Variants in CRIPT observed in about 807,000 individuals in gnomAD.
The protein encoded by CRIPT is cysteine-rich PDZ-binding protein.
Under a neutral mutation model 16.6 loss-of-function variants are expected in CRIPT, and 20 were observed. That is an observed-to-expected ratio of 1.20 (90% CI 0.85 to 1.75). The LOEUF (loss-of-function observed/expected upper bound fraction) is 1.75. Ranked by LOEUF, CRIPT falls within the 40% of genes most tolerant of loss-of-function variation. The pLI, the probability that CRIPT is intolerant of heterozygous loss-of-function variation, is 0.00. For missense variants in CRIPT, 133 were observed against 115.3 expected, an observed-to-expected ratio of 1.15 and a Z score of -0.70; for synonymous variants, 42 against 37.0, an observed-to-expected ratio of 1.14 and a Z score of -0.49.
chr2:46,618,929 T>G (rs1670737601), intron 2 of CRIPT, 91 bp downstream of exon 2: 2 of 810,976 alleles, frequency 2.5e-6, no homozygotes, highest in African/African-American at 3.5e-5. Flanking sequence ...TGAAATGTTA[T>G]GTGTTCAAAG....
rs1218573545 is a variant in CRIPT at position 46,627,082 on chromosome 2, C to T, written c.*2855C>T. Among the ~76,000 whole-genome samples the T allele has an allele frequency of 6.6e-6, 1 of 152,238 alleles. No homozygotes were observed. The highest frequency in any genetic ancestry group is 1.5e-5 in the Non-Finnish European group (1 of 68,044). On this transcript the variant is annotated 3_prime_UTR_variant, in exon 5 of 5. Transcript: ENST00000238892. ...TCCTGACCTCAGGTGATCCACCCAT[C>T]TCAGCCTCCCAAAGTGCTGGGATTA... is the stretch of plus-strand genomic sequence containing the variant.
Position 46,629,971 on chromosome 2 carries a change from C to CA in CRIPT, c.*5745dup, listed in dbSNP as rs1671031241. Among the ~76,000 whole-genome samples the CA allele has an allele frequency of 6.6e-5, 10 of 152,098 alleles. No homozygotes were observed. The highest frequency in any genetic ancestry group is 1.3e-4 in the Non-Finnish European group (9 of 68,024). ...TATTATTATTTCTGTATTAATTAGT[C>CA]ATCATTCTACTGTAAGGAAGAGGTT... On this transcript the variant is annotated 3_prime_UTR_variant, in exon 5 of 5. Transcript: ENST00000238892.
In CRIPT at chr2:46,625,974, G is replaced by C. The variant is rs372853600; in HGVS notation, c.*1747G>C. The stretch of plus-strand genomic sequence containing the variant: ...TTTCAACTTTTATTTTAGATGTAGG[G>C]GTACATGTGCAGGTGAGTTATATGG... On this transcript the variant is annotated 3_prime_UTR_variant, in exon 5 of 5. Transcript: ENST00000238892. Among the ~76,000 whole-genome samples, 1 of 152,012 alleles carries C rather than the reference G, an allele frequency of 6.6e-6. No homozygotes were observed. The highest frequency in any genetic ancestry group is 1.9e-4 in the East Asian group (1 of 5,182).
rs1670869589 is a variant in CRIPT, at chr2:46,623,824, C to T, written c.198C>T (p.His66=). ...GTAGAATTTGTAAAAGTTCTGTGCA[C>T]CAACCAGGTTCTCATTACTGCCAGG... is the stretch of plus-strand genomic sequence containing the variant. The part of the protein sequence containing the change: ...STCRICKSSV[H]QPGSHYCQGC... Residue 66 remains histidine, a synonymous_variant, in exon 4 of 5, where the codon CAC becomes CAT. Coordinates refer to ENST00000238892, the MANE Select transcript of CRIPT (RefSeq NM_014171.6). 7.4e-6 allele frequency: 12 copies of T among 1,610,826 alleles called. No individual in the cohort carries two copies. The highest frequency in any genetic ancestry group is 1.0e-5 in the Non-Finnish European group (12 of 1,178,184).
chr2:46,617,862 G>C (rs1219818269), intron 1 of CRIPT, among the ~76,000 whole-genome samples: 1 of 151,848 alleles, frequency 6.6e-6, no homozygotes, highest in African/African-American at 2.4e-5. Flanking sequence ...TTCTATATTT[G>C]GAACCTGGCG....
chr2:46,618,611 CACAGTTAAT>C (rs1226780588), intron 1 of CRIPT, among the ~76,000 whole-genome samples, 153 bp from the exon 2 acceptor site: 3 of 152,154 alleles, frequency 2.0e-5, no homozygotes, highest in Non-Finnish European at 4.4e-5. Context: ...ATTCATTGGC[CACAGTTAAT>C]ATGAGTCTCA....
chr2:46,623,832 G>T lies in CRIPT; in HGVS notation c.206G>T (p.Gly69Val). Reference protein sequence around the residue: ...RICKSSVHQPGSHYCQGCAYK... With the variant: ...RICKSSVHQPVSHYCQGCAYK... ...TGTAAAAGTTCTGTGCACCAACCAG[G>T]TTCTCATTACTGCCAGGGCTGTGCC... The change falls in exon 4 of 5, where the codon GGT becomes GTT. Residue 69 changes from glycine to valine, a missense_variant. Physicochemically the swap from Gly to Val is moderately radical, Grantham distance 109. Coordinates refer to ENST00000238892, the MANE Select transcript of CRIPT (RefSeq NM_014171.6). 6.2e-7 allele frequency: 1 copy of T among 1,609,970 alleles called. No homozygotes were observed. The highest frequency in any genetic ancestry group is 8.5e-7 in the Non-Finnish European group (1 of 1,177,728).
At chr2:46,623,912 A>C (rs755830661) in intron 4 of CRIPT, 45 bp downstream of exon 4, 37 of 1,330,314 alleles carry the variant, frequency 2.8e-5, no homozygotes, top group Non-Finnish European at 1.1e-6. Context: ...AACCGACTTC[A>C]TTTGCTGCTA....
Position 46,618,936 on chromosome 2 carries a change from A to G in CRIPT, c.82+98A>G. The G allele has an allele frequency of 4.0e-6, 3 of 751,320 alleles. No individual in the cohort carries two copies. The Admixed American group carries it at 7.9e-5, about 20-fold the overall frequency. 46.5% of individuals were successfully genotyped at this position (751,320 alleles called of 1,614,324 possible). On this transcript the variant is annotated intron_variant, in intron 2 of 4. Coordinates refer to ENST00000238892, the MANE Select transcript of CRIPT (RefSeq NM_014171.6). Reference sequence around the variant, plus strand: ...TTGTACAATGAAATGTTATGTGTTCAAAGTATTTTATCTATTAAACATTAA... The same window carrying G: ...TTGTACAATGAAATGTTATGTGTTCGAAGTATTTTATCTATTAAACATTAA...
At position 46,628,861 on chromosome 2, in the gene CRIPT, A is replaced by G. The variant is rs1304165834; in HGVS notation, c.*4634A>G. On this transcript the variant is annotated 3_prime_UTR_variant, in exon 5 of 5. Coordinates refer to ENST00000238892, the MANE Select transcript of CRIPT (RefSeq NM_014171.6). ...CACTATAACCAAATAAGATGACAGAATTAAGGCCTTATGCCACAGCCAGAG... is the reference window on the plus strand; with the variant it reads ...CACTATAACCAAATAAGATGACAGAGTTAAGGCCTTATGCCACAGCCAGAG... 2.0e-5 allele frequency among the ~76,000 whole-genome samples: 3 copies of G among 152,236 alleles called. No homozygotes were observed. The highest frequency in any genetic ancestry group is 2.9e-5 in the Non-Finnish European group (2 of 68,036).
At chr2:46,618,928 A>G (rs1254155087) in intron 2 of CRIPT, 90 bp downstream of exon 2, 1 of 809,652 alleles carries the variant, frequency 1.2e-6, no homozygotes. Context: ...ATGAAATGTT[A>G]TGTGTTCAAA....
intron 2 of CRIPT, among the ~76,000 whole-genome samples, chr2:46,619,253 A>G (rs186495261): frequency 2.6e-4 from 40 of 152,244 alleles, no homozygotes; most frequent in Admixed American, 2.2e-3. Context: ...TGAAGTATTT[A>G]CCTTCATTAT....
intron 3 of CRIPT, among the ~76,000 whole-genome samples, chr2:46,620,973 G>A (rs1016828422): frequency 5.9e-5 from 9 of 151,786 alleles, no homozygotes; most frequent in Non-Finnish European, 1.0e-4. Context: ...CAAGTTCTTT[G>A]GATCTACCTC....
intron 3 of CRIPT, among the ~76,000 whole-genome samples, chr2:46,620,076 CTT>C (rs1670763790): frequency 6.6e-6 from 1 of 152,278 alleles, no homozygotes; most frequent in African/African-American, 2.4e-5. Flanking sequence ...CCTTTCTAAA[CTT>C]TACTTTTTCC....
intron 1 of CRIPT, among the ~76,000 whole-genome samples, chr2:46,618,269 G>A (rs921623219): frequency 6.6e-6 from 1 of 150,526 alleles, no homozygotes; most frequent in Non-Finnish European, 1.5e-5. Context: ...CTGATAATCT[G>A]ATGAAAACTA....
At chr2:46,618,144 T>G (rs1465986216) in intron 1 of CRIPT, among the ~76,000 whole-genome samples, 1 of 151,876 alleles carries the variant, frequency 6.6e-6, no homozygotes, top group Non-Finnish European at 1.5e-5. Context: ...CTAGGGTTAT[T>G]TCTTCCTGCA....
At chr2:46,623,722 T>C (rs1454519194) in intron 3 of CRIPT, 42 bp from the exon 4 acceptor site, 2 of 1,088,132 alleles carry the variant, frequency 1.8e-6, no homozygotes, top group Non-Finnish European at 2.8e-6. Context: ...AGAGTGTTTC[T>C]AGTGTAATAT....
At chr2:46,622,915 C>T (rs1190045144) in intron 3 of CRIPT, among the ~76,000 whole-genome samples, 2 of 150,892 alleles carry the variant, frequency 1.3e-5, no homozygotes. Flanking sequence ...GACGGTGTTT[C>T]GTATCTAGTA....
chr2:46,619,019 C>T (rs1032758669), intron 2 of CRIPT, among the ~76,000 whole-genome samples, 181 bp downstream of exon 2: 7 of 152,102 alleles, frequency 4.6e-5, no homozygotes, highest in African/African-American at 9.7e-5. Flanking sequence ...GTTACTTGTA[C>T]GGGTTCCTAA....
Sources: gnomAD v4.1 joint callset for allele counts (sites outside exome capture counted in the v4.1 genomes callset) on GRCh38, gnomAD v4.1.1 for gene constraint, MANE v1.5 for transcripts, NCBI Gene and HGNC (gene_info 2026-07-23, HGNC 2026-07-21) for gene names.